TTC39C: variants seen among roughly 807,000 people sequenced by gnomAD.
TTC39C encodes tetratricopeptide repeat domain 39C.
Under a neutral mutation model 76.3 loss-of-function variants are expected in TTC39C, and 33 were observed. That is an observed-to-expected ratio of 0.43 (90% confidence interval 0.33 to 0.58). The LOEUF (loss-of-function observed/expected upper bound fraction) is 0.58. TTC39C is among the 20% of genes least tolerant of loss of function. TTC39C has a pLI of 0.04. For synonymous variants in TTC39C, 254 were observed against 260.6 expected, an observed-to-expected ratio of 0.97 and a Z score of 0.24; for missense variants, 595 against 701.4, an observed-to-expected ratio of 0.85 and a Z score of 1.71.
chr18:24,045,538 A>G (rs2083857893), intron 1 of TTC39C, among the ~76,000 whole-genome samples: 1 of 152,162 alleles, frequency 6.6e-6, no homozygotes, highest in African/African-American at 2.4e-5. Flanking sequence ...ATGATTTAGC[A>G]AGAAATACAT....
At chr18:24,058,707 T>C (rs909853814) in intron 1 of TTC39C, among the ~76,000 whole-genome samples, 3 of 152,076 alleles carry the variant, frequency 2.0e-5, no homozygotes, top group Non-Finnish European at 4.4e-5. Context: ...AAAAAGTTAC[T>C]AGAGTAGGCA....
intron 6 of TTC39C, among the ~76,000 whole-genome samples, chr18:24,088,570 C>T (rs543405018): frequency 6.6e-6 from 1 of 152,296 alleles, no homozygotes; most frequent in South Asian, 2.1e-4. Context: ...AATCTTTCTC[C>T]TATTTGAAGC....
intron 11 of TTC39C, among the ~76,000 whole-genome samples, 171 bp downstream of exon 11, chr18:24,129,154 T>C (rs2085090202): frequency 6.6e-6 from 1 of 152,232 alleles, no homozygotes; most frequent in African/African-American, 2.4e-5. Flanking sequence ...TTGATGATGG[T>C]TAATACTAGT....
At chr18:24,027,240 C>A (rs139981830) in intron 1 of TTC39C, among the ~76,000 whole-genome samples, 1 of 151,838 alleles carries the variant, frequency 6.6e-6, no homozygotes, top group Non-Finnish European at 1.5e-5. Flanking sequence ...TGCAGTGACC[C>A]GAGATCGCGC....
At chr18:24,034,326 T>G (rs1445074902) in intron 1 of TTC39C, among the ~76,000 whole-genome samples, 2 of 152,266 alleles carry the variant, frequency 1.3e-5, no homozygotes, top group Non-Finnish European at 2.9e-5. Flanking sequence ...CTCAAAATCC[T>G]CTTGATAAGT....
rs569338730 is a variant in TTC39C at position 24,096,457 on chromosome 18, A to T, written c.984+13376A>T. ...ACATTGTTGTTATAATGATAGACTC[A>T]TTTCTCCAGAAATGAAATTTATCTT... is the stretch of plus-strand genomic sequence containing the variant. On this transcript the variant is annotated intron_variant, in intron 6 of 13. Coordinates refer to ENST00000317571, the MANE Select transcript of TTC39C (RefSeq NM_001135993.2). Among the ~76,000 whole-genome samples the T allele has an allele frequency of 1.6e-4, 25 of 152,334 alleles. No individual in the cohort carries two copies. In the East Asian group the frequency reaches 4.8e-3, roughly 29 times the overall value.
intron 3 of TTC39C, among the ~76,000 whole-genome samples, chr18:24,066,784 C>T (rs1207334257): frequency 2.0e-5 from 3 of 152,186 alleles, no homozygotes; most frequent in Admixed American, 1.3e-4. Context: ...TTCACCTCTG[C>T]TCTTGTTTAT....
chr18:24,008,184 A>G (rs1395071125), intron 1 of TTC39C, among the ~76,000 whole-genome samples: 2 of 152,146 alleles, frequency 1.3e-5, no homozygotes, highest in African/African-American at 4.8e-5. Flanking sequence ...CTCACCATTC[A>G]ACTTACAAAC....
intron 1 of TTC39C, among the ~76,000 whole-genome samples, chr18:24,051,479 TG>T (rs1251166413): frequency 6.6e-6 from 1 of 152,056 alleles, no homozygotes; most frequent in African/African-American, 2.4e-5. Flanking sequence ...GGTGAGCTGG[TG>T]GTGGCTACAG....
At chr18:23,993,412 C>G (rs1205116835) in intron 1 of TTC39C, among the ~76,000 whole-genome samples, 1 of 152,216 alleles carries the variant, frequency 6.6e-6, no homozygotes, top group African/African-American at 2.4e-5. Context: ...TGTCCACACA[C>G]AGATGCTCAA....
intron 6 of TTC39C, among the ~76,000 whole-genome samples, chr18:24,108,904 T>G (rs1029009033): frequency 6.6e-6 from 1 of 152,204 alleles, no homozygotes; most frequent in Admixed American, 6.5e-5. Context: ...GGTAGGAAAC[T>G]TAATTGCCAT....
intron 6 of TTC39C, among the ~76,000 whole-genome samples, chr18:24,104,577 C>G (rs1359889420): frequency 6.6e-6 from 1 of 152,096 alleles, no homozygotes; most frequent in African/African-American, 2.4e-5. Context: ...TATTGTCTGC[C>G]CCTCCCCATT....
At chr18:24,058,524 A>G (rs529328313) in intron 1 of TTC39C, among the ~76,000 whole-genome samples, 2 of 152,094 alleles carry the variant, frequency 1.3e-5, no homozygotes, top group Non-Finnish European at 2.9e-5. Flanking sequence ...GTGTGGTGGC[A>G]TGAACCTGAG....
chr18:24,121,906 T>C (rs2084972795), intron 8 of TTC39C, among the ~76,000 whole-genome samples: 1 of 152,182 alleles, frequency 6.6e-6, no homozygotes, highest in South Asian at 2.1e-4. Context: ...GGTTTGGAAA[T>C]GTTACAGCTG....
intron 1 of TTC39C, among the ~76,000 whole-genome samples, chr18:23,999,989 A>G (rs2083300031): frequency 6.6e-6 from 1 of 152,226 alleles, no homozygotes. Flanking sequence ...GTGGGCTTAT[A>G]GTGCAAGCAA....
intron 1 of TTC39C, among the ~76,000 whole-genome samples, chr18:24,019,303 AG>A (rs1480074319): frequency 1.3e-5 from 2 of 152,190 alleles, no homozygotes; most frequent in Non-Finnish European, 2.9e-5. Flanking sequence ...TACCTCTGCC[AG>A]GGCTACTACC....
At chr18:24,069,964 A>G (rs568481191) in intron 4 of TTC39C, among the ~76,000 whole-genome samples, 5 of 152,354 alleles carry the variant, frequency 3.3e-5, no homozygotes, top group African/African-American at 1.2e-4. Flanking sequence ...TTACTTGAAA[A>G]AACCGAAAAT....
intron 1 of TTC39C, among the ~76,000 whole-genome samples, chr18:24,029,022 C>T (rs911525273): frequency 2.6e-5 from 4 of 152,046 alleles, no homozygotes; most frequent in Non-Finnish European, 5.9e-5. Flanking sequence ...CGCGCCCCTA[C>T]GTAATATTTT....
chr18:24,043,332 A>G (rs956123809), intron 1 of TTC39C, among the ~76,000 whole-genome samples: 1 of 152,208 alleles, frequency 6.6e-6, no homozygotes, highest in African/African-American at 2.4e-5. Flanking sequence ...ACTGCACTCC[A>G]GCCTTGGTGA....
Sources: allele counts gnomAD v4.1 joint callset (sites outside exome capture counted in the v4.1 genomes callset), GRCh38; gene constraint gnomAD v4.1.1; transcripts MANE v1.5; gene names NCBI Gene and HGNC (gene_info 2026-07-23, HGNC 2026-07-21).